Variants in NCAPH observed in about 807,000 individuals in gnomAD.
NCAPH encodes the protein condensin complex subunit 2.
Under a neutral mutation model 85.5 loss-of-function variants are expected in NCAPH, and 38 were observed. The ratio of observed to expected loss-of-function variants is 0.44; its 90% confidence interval spans 0.34 to 0.58. The LOEUF (loss-of-function observed/expected upper bound fraction) is 0.58, where lower values mean the gene tolerates loss of function less well. Ranked by LOEUF, NCAPH falls within the 20% of genes least tolerant of loss-of-function variation. The probability of loss-of-function intolerance (pLI) is 0.01; values close to 1 mark genes in which losing one functional copy is unlikely to be tolerated. For synonymous variants in NCAPH, 301 were observed against 335.1 expected, an observed-to-expected ratio of 0.90 and a Z score of 1.11; for missense variants, 789 against 916.6, an observed-to-expected ratio of 0.86 and a Z score of 1.80.
chr2:96,362,734 A>G (rs1341661006), intron 12 of NCAPH, among the ~76,000 whole-genome samples: 2 of 152,244 alleles, frequency 1.3e-5, no homozygotes, highest in Non-Finnish European at 2.9e-5. Context: ...ATGTGACTAC[A>G]TTGGTACAAT....
intron 1 of NCAPH, among the ~76,000 whole-genome samples, chr2:96,338,425 A>G (rs181579370): frequency 6.6e-6 from 1 of 152,156 alleles, no homozygotes; most frequent in Non-Finnish European, 1.5e-5. Flanking sequence ...AGCAAATTTT[A>G]CCTTTTATTT....
chr2:96,343,033 T>C, intron 4 of NCAPH, 133 bp from the exon 5 acceptor site: 1 of 1,275,492 alleles, frequency 7.8e-7, no homozygotes, highest in Non-Finnish European at 1.1e-6. Flanking sequence ...GTTTATTCCC[T>C]ATCAGTCATA....
intron 6 of NCAPH, among the ~76,000 whole-genome samples, chr2:96,348,605 C>T (rs961290482): frequency 7.2e-5 from 11 of 151,964 alleles, no homozygotes; most frequent in Admixed American, 4.6e-4. Flanking sequence ...CCCCAATTCT[C>T]CTTGTTTTTT....
chr2:96,358,140 A>G (rs2064548906), intron 9 of NCAPH, among the ~76,000 whole-genome samples: 1 of 152,162 alleles, frequency 6.6e-6, no homozygotes, highest in Non-Finnish European at 1.5e-5. Flanking sequence ...AAGAGTGAAA[A>G]ACCAAACTGA....
rs187804382 is a variant in NCAPH at position 96,353,012 on chromosome 2, A to T, written c.911-294A>T. 5.3e-4 allele frequency among the ~76,000 whole-genome samples: 81 copies of T among 152,360 alleles called. 1 individual carries two copies. Among genetic ancestry groups the T allele is most frequent in the Non-Finnish European group, 2.8e-4 (19 of 68,034 alleles). Reference sequence around the variant, plus strand: ...TAGCATAGGTCACAGAATTCATTTCAGAATCGAATGTCTGTGCTTTAGGTT... The same window carrying T: ...TAGCATAGGTCACAGAATTCATTTCTGAATCGAATGTCTGTGCTTTAGGTT... On this transcript the variant is annotated intron_variant, in intron 7 of 17. Coordinates refer to ENST00000240423, the MANE Select transcript of NCAPH (RefSeq NM_015341.5).
In NCAPH at chr2:96,343,287, TAGA is replaced by T; in HGVS notation, c.581_583del (p.Glu194del). On this transcript the variant is annotated inframe_deletion, in exon 5 of 18. Transcript: ENST00000240423. ...AAAGATGCACCGTCTTTGGAAGAAGTAGAAGGCCATGTTGCTGGTAGGTGGGTA... is the reference window on the plus strand; with the variant it reads ...AAAGATGCACCGTCTTTGGAAGAAGTAGGCCATGTTGCTGGTAGGTGGGTA... 1 of 1,612,848 alleles carries T rather than the reference TAGA, an allele frequency of 6.2e-7. No homozygotes were observed. The highest frequency in any genetic ancestry group is 8.5e-7 in the Non-Finnish European group (1 of 1,179,326).
intron 9 of NCAPH, 123 bp downstream of exon 9, chr2:96,354,511 C>T (rs1414500475): frequency 1.4e-5 from 12 of 844,398 alleles, no homozygotes; most frequent in African/African-American, 5.3e-5. Flanking sequence ...AAAATAGAGA[C>T]GGGCATCTCA....
chr2:96,355,581 A>G (rs1207822508), intron 9 of NCAPH, among the ~76,000 whole-genome samples: 1 of 151,264 alleles, frequency 6.6e-6, no homozygotes, highest in African/African-American at 2.4e-5. Flanking sequence ...CCGGAATTGT[A>G]CTGTTCACAT....
chr2:96,358,958 A>G lies in NCAPH; in HGVS notation c.1209-87A>G, dbSNP rs1398420718. 60 of 1,331,864 alleles carry G rather than the reference A, an allele frequency of 4.5e-5. No individual in the cohort carries two copies. In the East Asian group the frequency reaches 1.4e-3, roughly 30 times the overall value. 82.5% of individuals were successfully genotyped at this position (1,331,864 alleles called of 1,614,324 possible). On this transcript the variant is annotated intron_variant, in intron 9 of 17. Coordinates refer to ENST00000240423, the MANE Select transcript of NCAPH (RefSeq NM_015341.5). ...AGTTATTTGTATTGGACTCACAGAA[A>G]TGCAGCTCATTTGCGGACATATGCT...
At chr2:96,347,132 G>C (rs1212411457) in intron 6 of NCAPH, among the ~76,000 whole-genome samples, 1 of 152,114 alleles carries the variant, frequency 6.6e-6, no homozygotes, top group Non-Finnish European at 1.5e-5. Flanking sequence ...TGGGAGGGGG[G>C]ATAGTTGGAT....
At chr2:96,355,362 T>G (rs199513633) in intron 9 of NCAPH, among the ~76,000 whole-genome samples, 2 of 152,114 alleles carry the variant, frequency 1.3e-5, no homozygotes, top group African/African-American at 2.4e-5. Flanking sequence ...AGAACTGGGA[T>G]TGGGGACAGC....
intron 6 of NCAPH, among the ~76,000 whole-genome samples, chr2:96,350,783 C>T (rs2064429850): frequency 1.3e-5 from 2 of 152,184 alleles, no homozygotes; most frequent in African/African-American, 4.8e-5. Flanking sequence ...TCTGTGTTGT[C>T]CTATCCAAGC....
intron 15 of NCAPH, among the ~76,000 whole-genome samples, chr2:96,368,345 C>A (rs1482741495): frequency 6.6e-6 from 1 of 152,072 alleles, no homozygotes; most frequent in Non-Finnish European, 1.5e-5. Flanking sequence ...GCAGTGTAGT[C>A]CAGTTGGAGC....
Position 96,341,538 on chromosome 2 carries a change from G to A in NCAPH, c.20-104G>A, listed in dbSNP as rs2064294135. Reference sequence around the variant, plus strand: ...AGTATTAGAGTTGGAGAAGATCTCAGTGGACAGTGTGTGGTGAACCTCCAC... The same window carrying A: ...AGTATTAGAGTTGGAGAAGATCTCAATGGACAGTGTGTGGTGAACCTCCAC... On this transcript the variant is annotated intron_variant, in intron 1 of 17. Coordinates refer to ENST00000240423, the MANE Select transcript of NCAPH (RefSeq NM_015341.5). 2.1e-6 allele frequency: 3 copies of A among 1,407,630 alleles called. No individual in the cohort carries two copies. The African/African-American group carries it at 4.3e-5, about 20-fold the overall frequency. The allele number at this position is 1,407,630 out of a possible 1,614,324, so 87.2% of individuals were successfully genotyped here. A position where few individuals can be genotyped will look rare whatever the true frequency, so the allele number is the denominator to read the frequency against.
At chr2:96,373,212 A>G (rs1245631873) in intron 17 of NCAPH, 80 bp from the exon 18 acceptor site, 3 of 1,222,568 alleles carry the variant, frequency 2.5e-6, no homozygotes, top group South Asian at 2.6e-5. Flanking sequence ...TGTAGTCACT[A>G]CCTTGTGACT....
chr2:96,338,672 G>T (rs1289670219), intron 1 of NCAPH, among the ~76,000 whole-genome samples: 1 of 152,286 alleles, frequency 6.6e-6, no homozygotes, highest in Non-Finnish European at 1.5e-5. Flanking sequence ...TTAGAGTGAT[G>T]GGGGGACAGT....
chr2:96,361,806 G>GTATATATATA (rs1220395616), intron 12 of NCAPH, among the ~76,000 whole-genome samples: 10 of 76,756 alleles, frequency 1.3e-4, no homozygotes, highest in African/African-American at 4.6e-4. Flanking sequence ...ATATATATGT[G>GTATATATATA]TATATATATA....
At chr2:96,347,972 G>A (rs997463336) in intron 6 of NCAPH, among the ~76,000 whole-genome samples, 1 of 152,044 alleles carries the variant, frequency 6.6e-6, no homozygotes, top group African/African-American at 2.4e-5. Context: ...AGAGGGAGTT[G>A]TATTTTTTCC....
At chr2:96,361,885 T>A (rs35616898) in intron 12 of NCAPH, among the ~76,000 whole-genome samples, 11 of 147,030 alleles carry the variant, frequency 7.5e-5, no homozygotes, top group Middle Eastern at 3.6e-3. Flanking sequence ...TGTTTTTTTG[T>A]ATTTTTTTTT....
Sources: gnomAD v4.1 joint callset for allele counts (sites outside exome capture counted in the v4.1 genomes callset) on GRCh38, gnomAD v4.1.1 for gene constraint, MANE v1.5 for transcripts, NCBI Gene and HGNC (gene_info 2026-07-23, HGNC 2026-07-21) for gene names.